Variants in MAP7D1 observed in about 807,000 individuals in gnomAD.
The protein encoded by MAP7D1 is MAP7 domain-containing protein 1.
A neutral mutation model predicts 97.5 loss-of-function variants in MAP7D1; 30 were observed. The ratio of observed to expected loss-of-function variants is 0.31; its 90% confidence interval spans 0.23 to 0.42. The LOEUF (loss-of-function observed/expected upper bound fraction) is 0.42. Ranked by LOEUF, MAP7D1 falls within the 10% of genes least tolerant of loss-of-function variation. The probability of loss-of-function intolerance (pLI) is 1.00; values close to 1 mark genes in which losing one functional copy is unlikely to be tolerated. For synonymous variants in MAP7D1, 536 were observed against 477.1 expected, an observed-to-expected ratio of 1.12 and a Z score of -1.61; for missense variants, 1,184 against 1,179.5, an observed-to-expected ratio of 1.00 and a Z score of -0.06.
intron 1 of MAP7D1, 29 bp downstream of exon 1, chr1:36,156,492 T>TG (rs1644330955): frequency 2.1e-6 from 3 of 1,412,888 alleles, no homozygotes; most frequent in Non-Finnish European, 1.8e-6. Context: ...GGAGGCGAGA[T>TG]GGGGGTAGAT....
At chr1:36,180,123 C>T in intron 16 of MAP7D1, 56 bp downstream of exon 16, 1 of 1,609,862 alleles carries the variant, frequency 6.2e-7, no homozygotes, top group Non-Finnish European at 8.5e-7. Flanking sequence ...CTTCCCTGTA[C>T]TCCTCAGCCC....
intron 13 of MAP7D1, 59 bp downstream of exon 13, chr1:36,179,374 T>TGCGGAAAGGCATCCATGGCC: frequency 6.2e-7 from 1 of 1,603,156 alleles, no homozygotes; most frequent in Non-Finnish European, 8.5e-7. Context: ...AAAAGGAGGC[T>TGCGGAAAGGCATCCATGGCC]GCGGAAAGGC....
chr1:36,168,547 A>G (rs996312398), intron 1 of MAP7D1, among the ~76,000 whole-genome samples: 1 of 152,144 alleles, frequency 6.6e-6, no homozygotes, highest in African/African-American at 2.4e-5. Flanking sequence ...ATTAGCAGTG[A>G]CCAGGCAGCC....
rs1392495188 is a variant in MAP7D1, at chr1:36,179,859, C to T, written c.2319-15C>T. 6.2e-7 allele frequency: 1 copy of T among 1,605,620 alleles called. No individual in the cohort carries two copies. Among genetic ancestry groups the T allele is most frequent in the Non-Finnish European group, 8.5e-7 (1 of 1,174,932 alleles). On this transcript the variant is annotated splice_polypyrimidine_tract_variant and intron_variant, in intron 15 of 16. Coordinates refer to ENST00000474796, the MANE Select transcript of MAP7D1 (RefSeq NM_001388490.1). ...TGGGAGGTGAGGTGCTGAGCCTTGG[C>T]CTCTGCATCCACAGTCTCCCAAGCA...
At chr1:36,162,866 A>C (rs1644431191) in intron 1 of MAP7D1, among the ~76,000 whole-genome samples, 1 of 152,112 alleles carries the variant, frequency 6.6e-6, no homozygotes, top group African/African-American at 2.4e-5. Flanking sequence ...TTAAACAGAC[A>C]CAGAACTCCC....
In MAP7D1 at chr1:36,171,007, C is replaced by T; in HGVS notation, c.83C>T (p.Ser28Phe). 1 of 1,565,676 alleles carries T rather than the reference C, an allele frequency of 6.4e-7. No individual in the cohort carries two copies. The change falls in exon 2 of 17, where the codon TCT becomes TTT. Residue 28 changes from serine to phenylalanine, a missense_variant. Coordinates refer to ENST00000474796, the MANE Select transcript of MAP7D1 (RefSeq NM_001388490.1). ...VARTPPEPRP[S>F]PEGDPSPPPP... is the part of the protein sequence containing the mutation. ...AGGACCCCCCCAGAGCCAAGACCTT[C>T]TCCAGAAGGTGACCCTTCCCCCCCA...
chr1:36,158,440 C>T (rs1205619671), intron 1 of MAP7D1, among the ~76,000 whole-genome samples: 2 of 152,088 alleles, frequency 1.3e-5, no homozygotes, highest in African/African-American at 4.8e-5. Context: ...TTCCTTTTTG[C>T]ACTTGGACAC....
rs769190567 is a variant in MAP7D1, at chr1:36,174,935, C to T, written c.777C>T (p.Pro259=). Residue 259 remains proline, a synonymous_variant, in exon 6 of 17, where the codon CCC becomes CCT. Transcript: ENST00000474796. ...GCTCCGTGTCGGCAGTTAACCTGCC[C>T]AAACACGTGGACTCTATAATCAACA... ...SRCSVSAVNL[P]KHVDSIINKR... 1.2e-6 allele frequency: 2 copies of T among 1,613,938 alleles called. No individual in the cohort carries two copies. The highest frequency in any genetic ancestry group is 3.3e-5 in the Admixed American group (2 of 60,014).
At chr1:36,177,791 G>C in intron 8 of MAP7D1, 82 bp from the exon 9 acceptor site, 5 of 1,508,098 alleles carry the variant, frequency 3.3e-6, no homozygotes, top group Non-Finnish European at 4.4e-6. Context: ...TGGGGGAGGG[G>C]GCACCTCCCA....
At chr1:36,172,758 C>G (rs1644564077) in intron 4 of MAP7D1, 131 bp downstream of exon 4, 1 of 1,042,700 alleles carries the variant, frequency 9.6e-7, no homozygotes. Context: ...GTGTTCACAT[C>G]TACAGTTGTG....
Position 36,179,377 on chromosome 1 carries a change from G to A in MAP7D1, c.2184+62G>A, listed in dbSNP as rs1039777221. 1.7e-5 allele frequency: 27 copies of A among 1,601,130 alleles called. No individual in the cohort carries two copies. In the South Asian group the frequency reaches 2.4e-4, roughly 14 times the overall value. ...GGGCAGGGTGTGAAAAGGAGGCTGC[G>A]GAAAGGCATCCATGGCCACGGAGAG... On this transcript the variant is annotated intron_variant, in intron 13 of 16. Coordinates refer to ENST00000474796, the MANE Select transcript of MAP7D1 (RefSeq NM_001388490.1).
chr1:36,174,401 C>T (rs1184384625), intron 5 of MAP7D1, among the ~76,000 whole-genome samples: 1 of 152,240 alleles, frequency 6.6e-6, no homozygotes, highest in African/African-American at 2.4e-5. Context: ...GAAGTATCTG[C>T]CACTCTATAT....
Position 36,171,934 on chromosome 1 carries a change from CAAAAAAAAAA to C in MAP7D1, c.460+368_460+377del, listed in dbSNP as rs10631607. 25 of 62,902 alleles carry C rather than the reference CAAAAAAAAAA, an allele frequency of 4.0e-4. No individual in the cohort carries two copies. The Admixed American group carries it at 4.1e-3, about 10-fold the overall frequency. 3.9% of individuals were successfully genotyped at this position (62,902 alleles called of 1,614,324 possible). A position where few individuals can be genotyped will look rare whatever the true frequency, so the allele number is the denominator to read the frequency against. On this transcript the variant is annotated intron_variant, in intron 3 of 16. Coordinates refer to ENST00000474796, the MANE Select transcript of MAP7D1 (RefSeq NM_001388490.1). The stretch of plus-strand genomic sequence containing the variant: ...GGGCAACAAGAGCAAAACTCCGTCT[CAAAAAAAAAA>C]AAAAAAAAAAAAAACCAACACTTCT...
chr1:36,180,282 A>G lies in MAP7D1; in HGVS notation c.*24A>G. On this transcript the variant is annotated 3_prime_UTR_variant, in exon 17 of 17. Coordinates refer to ENST00000474796, the MANE Select transcript of MAP7D1 (RefSeq NM_001388490.1). ...AAGAGGGTTTGCCTTGGATCCGGGC[A>G]CAGTTGTGAGGGCTCCTCTGCATCA... 6.2e-7 allele frequency: 1 copy of G among 1,614,142 alleles called. No homozygotes were observed. Among genetic ancestry groups the G allele is most frequent in the Non-Finnish European group, 8.5e-7 (1 of 1,180,010 alleles).
In MAP7D1 at chr1:36,179,327, C is replaced by T. The variant is rs1332392215; in HGVS notation, c.2184+12C>T. ...TTTCTGAAACCAAGGTCAGAATTCCCCCGAAGGGCAGTGCTGGGCGTGGGG... is the reference window on the plus strand; with the variant it reads ...TTTCTGAAACCAAGGTCAGAATTCCTCCGAAGGGCAGTGCTGGGCGTGGGG... On this transcript the variant is annotated intron_variant, in intron 13 of 16. Coordinates refer to ENST00000474796, the MANE Select transcript of MAP7D1 (RefSeq NM_001388490.1). The T allele has an allele frequency of 1.2e-6, 2 of 1,613,936 alleles. No homozygotes were observed. The highest frequency in any genetic ancestry group is 2.2e-5 in the South Asian group (2 of 91,052).
intron 1 of MAP7D1, among the ~76,000 whole-genome samples, chr1:36,166,535 G>A (rs895800324): frequency 3.9e-5 from 6 of 151,922 alleles, no homozygotes; most frequent in Non-Finnish European, 7.4e-5. Context: ...GACTACAGGC[G>A]CCTGCCACCA....
intron 10 of MAP7D1, 43 bp downstream of exon 10, chr1:36,178,639 GAGA>G (rs762493514): frequency 3.9e-6 from 6 of 1,541,540 alleles, no homozygotes; most frequent in South Asian, 2.4e-5. Context: ...GTGGGCGCTG[GAGA>G]AGAAGCAGAG....
chr1:36,164,099 C>T (rs1644446242), intron 1 of MAP7D1, among the ~76,000 whole-genome samples: 1 of 152,092 alleles, frequency 6.6e-6, no homozygotes, highest in African/African-American at 2.4e-5. Context: ...GCTGGGATTA[C>T]AGGCGTGAGC....
chr1:36,165,193 C>T (rs80301170), intron 1 of MAP7D1, among the ~76,000 whole-genome samples: 13 of 152,098 alleles, frequency 8.5e-5, no homozygotes, highest in African/African-American at 1.4e-4. Flanking sequence ...GTATAATCAT[C>T]GCTCACTGTA....
Sources: allele counts gnomAD v4.1 joint callset (sites outside exome capture counted in the v4.1 genomes callset), GRCh38; gene constraint gnomAD v4.1.1; transcripts MANE v1.5; gene names NCBI Gene and HGNC (gene_info 2026-07-23, HGNC 2026-07-21).